The following WDR62 variants were observed in gnomAD, a reference collection of about 807,000 sequenced individuals.
WDR62 encodes WD repeat domain 62.
WDR62 carries 112 observed loss-of-function variants against 160.6 expected under a neutral mutation model. The ratio of observed to expected loss-of-function variants is 0.70; its 90% CI spans 0.60 to 0.82. WDR62 has a LOEUF of 0.82. Among genes scored for constraint, WDR62 ranks in the 40% least tolerant of loss-of-function variants. WDR62 has a pLI of 0.00. For synonymous variants in WDR62, 792 were observed against 815.1 expected, an observed-to-expected ratio of 0.97 and a Z score of 0.48; for missense variants, 1,819 against 1,983.8, an observed-to-expected ratio of 0.92 and a Z score of 1.58.
chr19:36,103,159 C>G lies in WDR62; in HGVS notation c.3466C>G (p.Leu1156Val). The change falls in exon 29 of 32, where the codon CTC becomes GTC. Residue 1156 changes from leucine to valine, a missense_variant. Around this residue, in one of 3 missense-constraint regions of WDR62, gnomAD observed 770 missense variants for 734.2 expected, o/e 1.05. Transcript: ENST00000401500. ...GYASPDRTHV[L>V]AAGKAEETLE... ...CACCTCAGAGCTGTGCCTGCAGGTC[C>G]TCGCTGCAGGGAAGGCTGAAGAGAC... 6.2e-7 allele frequency: 1 copy of G among 1,614,080 alleles called. No homozygotes were observed. Among genetic ancestry groups the G allele is most frequent in the Non-Finnish European group, 8.5e-7 (1 of 1,180,032 alleles).
chr19:36,102,447 A>G (rs888081932), intron 26 of WDR62: 1 of 581,694 alleles, frequency 1.7e-6, no homozygotes, highest in African/African-American at 1.9e-5. Context: ...TTTTTAGTAG[A>G]GATGAGGTTT....
chr19:36,109,197 C>G (rs1374775524), downstream of WDR62, among the ~76,000 whole-genome samples: 1 of 152,186 alleles, frequency 6.6e-6, no homozygotes, highest in Non-Finnish European at 1.5e-5. Flanking sequence ...AGATGTCCCC[C>G]TCTGACTAGA....
chr19:36,092,320 A>C lies in WDR62; in HGVS notation c.2211-369A>C, dbSNP rs921251444. Among the ~76,000 whole-genome samples, 4 of 152,084 alleles carry C rather than the reference A, an allele frequency of 2.6e-5. 1 individual carries two copies. The highest frequency in any genetic ancestry group is 4.1e-4 in the South Asian group (2 of 4,832). Reference sequence around the variant, plus strand: ...AGCAAGACTCTCTCAAAAAAAAAAAAAAAAGAAAATTGTATGGTGAGAAAT... The same window carrying C: ...AGCAAGACTCTCTCAAAAAAAAAAACAAAAGAAAATTGTATGGTGAGAAAT... On this transcript the variant is annotated intron_variant, in intron 18 of 31. Coordinates refer to ENST00000401500, the MANE Select transcript of WDR62 (RefSeq NM_001083961.2).
In WDR62 at chr19:36,102,007, C is replaced by A; in HGVS notation, c.3083-7C>A. The A allele has an allele frequency of 6.2e-7, 1 of 1,614,136 alleles. No individual in the cohort carries two copies. Among genetic ancestry groups the A allele is most frequent in the South Asian group, 1.1e-5 (1 of 91,086 alleles). On this transcript the variant is annotated splice_polypyrimidine_tract_variant and splice_region_variant and intron_variant, in intron 25 of 31. Transcript: ENST00000401500. ...CTCCTCTTGTCCCTCCCCTCCTTCC[C>A]TGTCAGGATGCGCAGGTCCCACAGA...
At position 36,088,901 on chromosome 19, in the gene WDR62, A is replaced by G. The variant is rs1972416357; in HGVS notation, c.1769-137A>G. ...ACCTTACAGAGTCCCACCCAGACCC[A>G]GCACCCACCTCACCACCTTTAGGAA... is the stretch of plus-strand genomic sequence containing the variant. On this transcript the variant is annotated intron_variant, in intron 13 of 31. Transcript: ENST00000401500. The G allele has an allele frequency of 1.0e-5, 10 of 955,824 alleles. No homozygotes were observed. In the East Asian group the frequency reaches 2.6e-4, roughly 25 times the overall value. 59.2% of individuals were successfully genotyped at this position (955,824 alleles called of 1,614,324 possible).
intron 23 of WDR62, 135 bp from the exon 24 acceptor site, chr19:36,101,066 AGGAGGGGGCATTT>A (rs1973299190): frequency 1.7e-6 from 2 of 1,150,552 alleles, no homozygotes; most frequent in Non-Finnish European, 2.6e-6. Flanking sequence ...ACCTGGGGGA[AGGAGGGGGCATTT>A]GGAGGAGGCG....
At position 36,089,091 on chromosome 19, in the gene WDR62, C is replaced by T. The variant is rs553327137; in HGVS notation, c.1822C>T (p.Arg608Cys). 2.5e-5 allele frequency: 40 copies of T among 1,614,106 alleles called. No individual in the cohort carries two copies. The highest frequency in any genetic ancestry group is 2.1e-4 in the South Asian group (19 of 91,088). The change falls in exon 14 of 32, where the codon CGC (arginine) becomes TGC (cysteine). Residue 608 changes from arginine (R) to cysteine (C), a missense_variant. Transcript: ENST00000401500. ...TGGGGCTGACAAGAGCATCTACTTT[C>T]GCAGTGCCCAGCAGGTAGGGTGGCA... ...SCGADKSIYF[R>C]SAQQGSDGLH...
At chr19:36,059,115 TGGG>T (rs1203662017) in intron 2 of WDR62, 3 of 651,198 alleles carry the variant, frequency 4.6e-6, no homozygotes, top group Non-Finnish European at 8.7e-6. Context: ...ACAGCGATTC[TGGG>T]AAAGACAGGT....
Position 36,086,713 on chromosome 19 carries a change from C to A in WDR62, c.1669C>A (p.Arg557=). 1 of 1,604,450 alleles carries A rather than the reference C, an allele frequency of 6.2e-7. No homozygotes were observed. Among genetic ancestry groups the A allele is most frequent in the Non-Finnish European group, 8.5e-7 (1 of 1,175,012 alleles). Residue 557 remains arginine, a synonymous_variant, in exon 13 of 32, where the codon CGG becomes AGG. Transcript: ENST00000401500. ...TGLTLLASAS[R]DRLIHVLNVE... ...GCTGACCTTGCTGGCCTCAGCCAGT[C>A]GGGACCGGCTGATCCATGTGCTGAA... is the stretch of plus-strand genomic sequence containing the variant.
chr19:36,103,380 T>A lies in WDR62; in HGVS notation c.3552T>A (p.Ala1184=). Residue 1184 remains alanine, a synonymous_variant, in exon 30 of 32, where the codon GCT becomes GCA. Coordinates refer to ENST00000401500, the MANE Select transcript of WDR62 (RefSeq NM_001083961.2). ...CLTSLASCVP[A]SSVLPTDRNL... is the part of the protein sequence containing the mutation. ...CGAGCCTGGCGTCCTGTGTCCCTGC[T>A]TCCTCCGTGCTGCCCACAGACAGGA... 6.2e-7 allele frequency: 1 copy of A among 1,613,934 alleles called. No individual in the cohort carries two copies. The highest frequency in any genetic ancestry group is 8.5e-7 in the Non-Finnish European group (1 of 1,179,962).
intron 9 of WDR62, among the ~76,000 whole-genome samples, chr19:36,078,336 C>CA (rs1166503352): frequency 2.0e-5 from 3 of 151,414 alleles, no homozygotes; most frequent in Non-Finnish European, 4.4e-5. Flanking sequence ...TTAGTGGAGA[C>CA]ACGGTTTCGC....
At chr19:36,096,629 T>C (rs1025987392) in intron 20 of WDR62, among the ~76,000 whole-genome samples, 21 of 150,774 alleles carry the variant, frequency 1.4e-4, no homozygotes, top group African/African-American at 5.1e-4. Context: ...GAGAATGGCA[T>C]GAACCCGGGA....
intron 18 of WDR62, among the ~76,000 whole-genome samples, chr19:36,092,038 C>T (rs1972646484): frequency 6.6e-6 from 1 of 150,864 alleles, no homozygotes; most frequent in Non-Finnish European, 1.5e-5. Flanking sequence ...AGGCCGGGCG[C>T]AGTGGCTCAC....
chr19:36,064,897 G>A (rs1303537374), intron 3 of WDR62, among the ~76,000 whole-genome samples: 1 of 152,134 alleles, frequency 6.6e-6, no homozygotes, highest in Non-Finnish European at 1.5e-5. Flanking sequence ...CTTCTCTCCT[G>A]TTCCACCCCA....
At chr19:36,085,114 C>G (rs1266512607) in intron 12 of WDR62, among the ~76,000 whole-genome samples, 1 of 152,120 alleles carries the variant, frequency 6.6e-6, no homozygotes, top group African/African-American at 2.4e-5. Context: ...AGGCTTCACC[C>G]AAATTCCTCA....
intron 9 of WDR62, among the ~76,000 whole-genome samples, chr19:36,079,834 A>G (rs1201274227): frequency 6.6e-6 from 1 of 151,988 alleles, no homozygotes; most frequent in East Asian, 1.9e-4. Context: ...TTATGGGAGT[A>G]TTTTGTCACT....
chr19:36,095,541 C>A (rs964742206), intron 20 of WDR62, among the ~76,000 whole-genome samples: 1 of 152,236 alleles, frequency 6.6e-6, no homozygotes, highest in East Asian at 1.9e-4. Flanking sequence ...CGCCTGTAAT[C>A]CCAGCACTCA....
At chr19:36,089,813 T>C (rs1972479838) in intron 15 of WDR62, among the ~76,000 whole-genome samples, 1 of 152,236 alleles carries the variant, frequency 6.6e-6, no homozygotes, top group Non-Finnish European at 1.5e-5. Context: ...GGCTTTCTTC[T>C]GGCTCTCCCT....
rs1237743530 is a variant in WDR62, at chr19:36,104,760, C to T, written c.4312-8C>T. 1.2e-6 allele frequency: 2 copies of T among 1,613,682 alleles called. No individual in the cohort carries two copies. The highest frequency in any genetic ancestry group is 1.3e-5 in the African/African-American group (1 of 74,942). On this transcript the variant is annotated splice_region_variant and splice_polypyrimidine_tract_variant and intron_variant, in intron 31 of 31. Coordinates refer to ENST00000401500, the MANE Select transcript of WDR62 (RefSeq NM_001083961.2). ...GGTGGCCCCTGACAAGGCTGGCATC[C>T]CTTGCAGTTGGTCTCCAGTGGCCAG...
Sources: gnomAD v4.1 joint callset for allele counts (sites outside exome capture counted in the v4.1 genomes callset) on GRCh38, gnomAD v4.1.1 for gene constraint, gnomAD v4.1.1 regional missense constraint, MANE v1.5 for transcripts, NCBI Gene and HGNC (gene_info 2026-07-23, HGNC 2026-07-21) for gene names.